Variants in TOMM40L observed in about 807,000 individuals in gnomAD.
The protein encoded by TOMM40L is translocase of outer mitochondrial membrane 40 like.
Under a neutral mutation model 38.3 loss-of-function variants are expected in TOMM40L, and 17 were observed. That is an observed-to-expected ratio of 0.44 (90% confidence interval 0.30 to 0.67). The LOEUF (loss-of-function observed/expected upper bound fraction) is 0.67, where lower values mean the gene tolerates loss of function less well. Among genes scored for constraint, TOMM40L ranks in the 30% least tolerant of loss-of-function variants. TOMM40L has a pLI of 0.08. For missense variants in TOMM40L, 294 were observed against 390.0 expected, an observed-to-expected ratio of 0.75 and a Z score of 2.07; for synonymous variants, 151 against 150.2, an observed-to-expected ratio of 1.01 and a Z score of -0.04.
chr1:161,228,276 G>C lies in TOMM40L; in HGVS notation c.575G>C (p.Gly192Ala). Residue 192 changes from glycine (G) to alanine (A), a missense_variant, in exon 7 of 10, where the codon GGG becomes GCG. By Grantham distance (60) the Gly-to-Ala change is moderately conservative (BLOSUM62 0). Coordinates refer to ENST00000367988, the MANE Select transcript of TOMM40L (RefSeq NM_032174.6). Reference sequence around the variant, plus strand: ...TATCACCGGCGGCCAGGCGAAGAGGGGGCCATCTTGACACTGGCTGGGAAG... The same window carrying C: ...TATCACCGGCGGCCAGGCGAAGAGGCGGCCATCTTGACACTGGCTGGGAAG... ...LVYHRRPGEE[G>A]AILTLAGKYS... is the part of the protein sequence containing the mutation. The C allele has an allele frequency of 6.2e-7, 1 of 1,607,230 alleles. No homozygotes were observed. The highest frequency in any genetic ancestry group is 8.5e-7 in the Non-Finnish European group (1 of 1,175,788).
Position 161,226,526 on chromosome 1 carries a change from T to C in TOMM40L, c.37T>C (p.Leu13=), listed in dbSNP as rs1666356732. ...ATTGGGCCTGGCACCAATGGGGACT[T>C]TGCCCCGCCGGAGCCCCCGCCGAGA... ...NTLGLAPMGT[L]PRRSPRREEP... The change falls in exon 2 of 10, where the codon TTG becomes CTG. Residue 13 remains leucine, a synonymous_variant. Coordinates refer to ENST00000367988, the MANE Select transcript of TOMM40L (RefSeq NM_032174.6). 1 of 1,613,966 alleles carries C rather than the reference T, an allele frequency of 6.2e-7. No homozygotes were observed. The highest frequency in any genetic ancestry group is 8.5e-7 in the Non-Finnish European group (1 of 1,180,008).
At position 161,229,124 on chromosome 1, in the gene TOMM40L, C is replaced by G; in HGVS notation, c.*29C>G. 6.2e-7 allele frequency: 1 copy of G among 1,614,160 alleles called. No homozygotes were observed. The highest frequency in any genetic ancestry group is 8.5e-7 in the Non-Finnish European group (1 of 1,180,004). ...TGTCCAGAGCCAGCCCCCACAGCAG[C>G]TGGAACCTCTGAGTCAGGTGCCCTA... On this transcript the variant is annotated 3_prime_UTR_variant, in exon 10 of 10. Coordinates refer to ENST00000367988, the MANE Select transcript of TOMM40L (RefSeq NM_032174.6).
chr1:161,226,485 C>G lies in TOMM40L; in HGVS notation c.-5C>G. On this transcript the variant is annotated 5_prime_UTR_variant, in exon 2 of 10. Coordinates refer to ENST00000367988, the MANE Select transcript of TOMM40L (RefSeq NM_032174.6). ...CCTCGGCTCTTCCCAGTCCTCTGGA[C>G]TAAAATGGGGAACACATTGGGCCTG... 1.2e-6 allele frequency: 2 copies of G among 1,613,094 alleles called. No homozygotes were observed. Among genetic ancestry groups the G allele is most frequent in the South Asian group, 1.1e-5 (1 of 91,006 alleles).
Position 161,230,506 on chromosome 1 carries a change from C to A in TOMM40L, c.*1411C>A. 1.9e-6 allele frequency: 1 copy of A among 527,190 alleles called. No individual in the cohort carries two copies. Among genetic ancestry groups the A allele is most frequent in the Non-Finnish European group, 3.3e-6 (1 of 300,844 alleles). The allele number at this position is 527,190 out of a possible 1,614,324, so 32.7% of individuals were successfully genotyped here. A position where few individuals can be genotyped will look rare whatever the true frequency, so the allele number is the denominator to read the frequency against. On this transcript the variant is annotated 3_prime_UTR_variant, in exon 10 of 10. Transcript: ENST00000367988. ...TCTGCGTTAGTCTGGAGAAGTTGGA[C>A]TAGTGAGGTAATGGATGTCATCAAT...
At position 161,229,154 on chromosome 1, in the gene TOMM40L, CA is replaced by C. The variant is rs911310079; in HGVS notation, c.*62del. 6.2e-7 allele frequency: 1 copy of C among 1,612,640 alleles called. No individual in the cohort carries two copies. The highest frequency in any genetic ancestry group is 1.3e-5 in the African/African-American group (1 of 74,894). On this transcript the variant is annotated 3_prime_UTR_variant, in exon 10 of 10. Transcript: ENST00000367988. ...ACCTCTGAGTCAGGTGCCCTAGGGC[CA>C]AAGACTAGGCCCCTCTTCAGAGCCC...
At chr1:161,226,192 G>T (rs1666331936) in intron 1 of TOMM40L, 56 bp downstream of exon 1, 1 of 326,010 alleles carries the variant, frequency 3.1e-6, no homozygotes, top group Admixed American at 4.6e-5. Context: ...ATGAAGAATA[G>T]AGAGGCTAGG....
At position 161,229,440 on chromosome 1, in the gene TOMM40L, G is replaced by C; in HGVS notation, c.*345G>C. On this transcript the variant is annotated 3_prime_UTR_variant, in exon 10 of 10. Coordinates refer to ENST00000367988, the MANE Select transcript of TOMM40L (RefSeq NM_032174.6). ...CTTTCCCTTTGGTTAATCCTGCATG[G>C]GATTAGCTGACCATCCTGTTTTCCA... 1.6e-6 allele frequency: 1 copy of C among 643,880 alleles called. No homozygotes were observed. The highest frequency in any genetic ancestry group is 2.6e-6 in the Non-Finnish European group (1 of 378,324). 39.9% of individuals were successfully genotyped at this position (643,880 alleles called of 1,614,324 possible).
Position 161,227,358 on chromosome 1 carries a change from C to A in TOMM40L, c.276+8C>A. The A allele has an allele frequency of 6.2e-7, 1 of 1,612,844 alleles. No individual in the cohort carries two copies. The highest frequency in any genetic ancestry group is 8.5e-7 in the Non-Finnish European group (1 of 1,178,990). On this transcript the variant is annotated splice_region_variant and intron_variant, in intron 4 of 9. Transcript: ENST00000367988. Reference sequence around the variant, plus strand: ...CAGCTCAGTCCCACTGAGGTGAGGGCTCCACACACCTGGGTCATCTCCCTA... The same window carrying A: ...CAGCTCAGTCCCACTGAGGTGAGGGATCCACACACCTGGGTCATCTCCCTA...
chr1:161,228,611 T>C, intron 8 of TOMM40L, 104 bp from the exon 9 acceptor site: 2 of 1,558,796 alleles, frequency 1.3e-6, no homozygotes, highest in Non-Finnish European at 1.8e-6. Context: ...TACCACGCTG[T>C]GTATATATTT....
chr1:161,229,178 C>T lies in TOMM40L; in HGVS notation c.*83C>T. 2 of 1,593,962 alleles carry T rather than the reference C, an allele frequency of 1.3e-6. No individual in the cohort carries two copies. The highest frequency in any genetic ancestry group is 1.1e-5 in the South Asian group (1 of 89,810). ...CCAAAGACTAGGCCCCTCTTCAGAG[C>T]CCACCTTGCTGGGTGATCTCTAGGA... is the stretch of plus-strand genomic sequence containing the variant. On this transcript the variant is annotated 3_prime_UTR_variant, in exon 10 of 10. Transcript: ENST00000367988.
In TOMM40L at chr1:161,229,587, T is replaced by TC; in HGVS notation, c.*495dup. On this transcript the variant is annotated 3_prime_UTR_variant, in exon 10 of 10. Transcript: ENST00000367988. ...CCTCTTAGCCCTGAGGTTTCCTCCT[T>TC]CCCATCTTCTGTGCTTCCAGAGAAC... is the stretch of plus-strand genomic sequence containing the variant. 6.4e-7 allele frequency: 1 copy of TC among 1,551,660 alleles called. No homozygotes were observed. The highest frequency in any genetic ancestry group is 8.8e-7 in the Non-Finnish European group (1 of 1,140,094).
In TOMM40L at chr1:161,230,611, A is replaced by G; in HGVS notation, c.*1516A>G. ...ATAAAAAAAAAATCTGGAAAAAGTG[A>G]GATGAAACAGCAGTATCCAAATACA... is the stretch of plus-strand genomic sequence containing the variant. On this transcript the variant is annotated 3_prime_UTR_variant, in exon 10 of 10. Coordinates refer to ENST00000367988, the MANE Select transcript of TOMM40L (RefSeq NM_032174.6). The G allele has an allele frequency of 1.5e-6, 1 of 671,706 alleles. No homozygotes were observed. The highest frequency in any genetic ancestry group is 1.9e-5 in the South Asian group (1 of 51,440). 41.6% of individuals were successfully genotyped at this position (671,706 alleles called of 1,614,324 possible).
intron 3 of TOMM40L, 110 bp downstream of exon 3, chr1:161,227,065 G>A (rs988543064): frequency 1.5e-6 from 2 of 1,368,388 alleles, no homozygotes; most frequent in African/African-American, 1.4e-5. Flanking sequence ...GGACAAATGA[G>A]GGAGGATGTG....
rs565321012 is a variant in TOMM40L at position 161,229,384 on chromosome 1, C to T, written c.*289C>T. 2.1e-5 allele frequency: 13 copies of T among 610,992 alleles called. No homozygotes were observed. The highest frequency in any genetic ancestry group is 3.1e-5 in the Non-Finnish European group (11 of 351,128). 37.8% of individuals were successfully genotyped at this position (610,992 alleles called of 1,614,324 possible). On this transcript the variant is annotated 3_prime_UTR_variant, in exon 10 of 10. Transcript: ENST00000367988. ...ATTAAGGGGTATGGCTGAATTCCCC[C>T]GGCACCCCTTGCCCTCAGGCTTCCT...
rs913262026 is a variant in TOMM40L, at chr1:161,228,845, A to G, written c.787+28A>G. On this transcript the variant is annotated intron_variant, in intron 9 of 9. Transcript: ENST00000367988. ...GAGGGTTATTGGGAGACATTTGGCT[A>G]TCCTGAGGAATGGGGGATGCAGAGG... is the stretch of plus-strand genomic sequence containing the variant. The G allele has an allele frequency of 6.8e-6, 11 of 1,613,914 alleles. No homozygotes were observed. The Admixed American group carries it at 1.0e-4, about 15-fold the overall frequency.
Position 161,229,832 on chromosome 1 carries a change from C to T in TOMM40L, c.*737C>T. 6.2e-7 allele frequency: 1 copy of T among 1,614,238 alleles called. No individual in the cohort carries two copies. Among genetic ancestry groups the T allele is most frequent in the Non-Finnish European group, 8.5e-7 (1 of 1,180,048 alleles). The stretch of plus-strand genomic sequence containing the variant: ...ATCTCCTGGAGCAGCGGCATCATGG[C>T]AGACAGGCCCTGGATGTGCTGGATT... On this transcript the variant is annotated 3_prime_UTR_variant, in exon 10 of 10. Coordinates refer to ENST00000367988, the MANE Select transcript of TOMM40L (RefSeq NM_032174.6).
chr1:161,227,937 T>C lies in TOMM40L; in HGVS notation c.432T>C (p.Asp144=). The change falls in exon 6 of 10, where the codon GAT becomes GAC. Residue 144 remains aspartate (D), a synonymous_variant. Coordinates refer to ENST00000367988, the MANE Select transcript of TOMM40L (RefSeq NM_032174.6). The part of the protein sequence containing the change: ...TWQFDGEYRG[D]DYTATLTLGN... Reference sequence around the variant, plus strand: ...AGTTTGATGGCGAGTATCGGGGAGATGACTACACAGCCACTCTGACCCTAG... The same window carrying C: ...AGTTTGATGGCGAGTATCGGGGAGACGACTACACAGCCACTCTGACCCTAG... The C allele has an allele frequency of 4.3e-6, 7 of 1,614,014 alleles. No individual in the cohort carries two copies. Among genetic ancestry groups the C allele is most frequent in the Non-Finnish European group, 5.9e-6 (7 of 1,179,988 alleles).
chr1:161,228,446 C>A lies in TOMM40L; in HGVS notation c.626C>A (p.Thr209Lys). ...TTTACAGCTGTACACTGGGTAGCTA[C>A]ATTGAATGTGGGATCAGGCGGGGCC... ...GKYSAVHWVA[T>K]LNVGSGGAHA... is the part of the protein sequence containing the mutation. The change falls in exon 8 of 10, where the codon ACA becomes AAA. Residue 209 changes from threonine to lysine, a missense_variant. Transcript: ENST00000367988. 6.2e-7 allele frequency: 1 copy of A among 1,614,060 alleles called. No individual in the cohort carries two copies. The highest frequency in any genetic ancestry group is 8.5e-7 in the Non-Finnish European group (1 of 1,179,994).
At chr1:161,227,124 T>C in intron 3 of TOMM40L, 134 bp from the exon 4 acceptor site, 1 of 1,158,558 alleles carries the variant, frequency 8.6e-7, no homozygotes, top group Non-Finnish European at 1.3e-6. Context: ...TTTAATCCGA[T>C]GACCTTCTCT....
Sources: allele counts gnomAD v4.1 joint callset, GRCh38; gene constraint gnomAD v4.1.1; transcripts MANE v1.5; gene names NCBI Gene and HGNC (gene_info 2026-07-23, HGNC 2026-07-21).